Variants in HHAT observed in about 807,000 individuals in gnomAD.
The protein encoded by HHAT is protein-cysteine N-palmitoyltransferase HHAT.
Under a neutral mutation model 70.8 loss-of-function variants are expected in HHAT, and 47 were observed. The observed-to-expected ratio is 0.66, with a 90% confidence interval of 0.53 to 0.85. HHAT has a LOEUF of 0.85. Among genes scored for constraint, HHAT ranks in the 40% least tolerant of loss-of-function variants. HHAT has a pLI of 0.00. For synonymous variants in HHAT, 228 were observed against 247.6 expected (o/e 0.92, Z 0.74); for missense variants, 609 against 604.8 (o/e 1.01, Z -0.07).
At chr1:210,360,365 C>T (rs1394113036) in intron 2 of HHAT, among the ~76,000 whole-genome samples, 1 of 150,466 alleles carries the variant, frequency 6.6e-6, no homozygotes, top group Non-Finnish European at 1.5e-5. Context: ...GGCTGGAGTG[C>T]AATGGTATGA....
At chr1:210,363,760 A>G (rs35714200) in intron 3 of HHAT, among the ~76,000 whole-genome samples, 18,885 of 152,154 alleles carry the variant, frequency 0.12, 1,259 homozygotes, top group Non-Finnish European at 0.15. Flanking sequence ...TTATCAGAGC[A>G]GTTTGTTTTG....
intron 3 of HHAT, among the ~76,000 whole-genome samples, chr1:210,386,043 A>G (rs1032820685): frequency 3.9e-5 from 6 of 152,044 alleles, no homozygotes; most frequent in Admixed American, 6.5e-5. Context: ...TTTTATATGT[A>G]TCTTACCTTC....
At chr1:210,673,328 GTGTTAT>G (rs1680470339) in intron 11 of HHAT, among the ~76,000 whole-genome samples, 4 of 151,532 alleles carry the variant, frequency 2.6e-5, no homozygotes. Flanking sequence ...GCTCCTATTA[GTGTTAT>G]TTCACATTTA....
intron 9 of HHAT, among the ~76,000 whole-genome samples, chr1:210,542,536 C>T (rs2095441739): frequency 6.6e-6 from 1 of 151,390 alleles, no homozygotes; most frequent in Non-Finnish European, 1.5e-5. Context: ...AGTGGCTTGC[C>T]CCTGTAATCC....
At chr1:210,488,586 A>G (rs900373605) in intron 8 of HHAT, among the ~76,000 whole-genome samples, 9 of 152,254 alleles carry the variant, frequency 5.9e-5, no homozygotes, top group Non-Finnish European at 1.0e-4. Flanking sequence ...CGATGAATGA[A>G]TGAATGAAAT....
intron 9 of HHAT, among the ~76,000 whole-genome samples, chr1:210,560,056 G>T (rs1230425505): frequency 1.3e-5 from 2 of 152,192 alleles, no homozygotes; most frequent in South Asian, 4.2e-4. Flanking sequence ...TCTTAGCTCT[G>T]TCACTTGGCA....
At chr1:210,584,325 T>C (rs1336512417) in intron 9 of HHAT, among the ~76,000 whole-genome samples, 1 of 152,150 alleles carries the variant, frequency 6.6e-6, no homozygotes, top group East Asian at 1.9e-4. Context: ...ATCTGTTTTA[T>C]AAAACAGCCA....
rs1558477774 is a variant in HHAT, at chr1:210,418,297, C to T, written c.828C>T (p.Leu276=). 2 of 1,604,466 alleles carry T rather than the reference C, an allele frequency of 1.2e-6. No individual in the cohort carries two copies. The highest frequency in any genetic ancestry group is 4.5e-5 in the East Asian group (2 of 44,704). The stretch of plus-strand genomic sequence containing the variant: ...ATGCCATCTACAGCAGCATCCCCCT[C>T]CTGGAGACTGTCTCTTGTTGGACCT... ...YMHAIYSSIP[L]LETVSCWTLG... is the part of the protein sequence containing the mutation. The change falls in exon 7 of 12, where the codon CTC becomes CTT. Residue 276 remains leucine (L), a synonymous_variant. Coordinates refer to ENST00000261458, the MANE Select transcript of HHAT (RefSeq NM_018194.6).
At chr1:210,487,158 A>G (rs567970331) in intron 8 of HHAT, among the ~76,000 whole-genome samples, 1 of 152,276 alleles carries the variant, frequency 6.6e-6, no homozygotes, top group East Asian at 1.9e-4. Context: ...GGCTGTGCAA[A>G]GAGCTTAGGA....
intron 7 of HHAT, among the ~76,000 whole-genome samples, chr1:210,422,676 C>T (rs182704354): frequency 2.4e-3 from 368 of 152,164 alleles, no homozygotes; most frequent in Non-Finnish European, 3.8e-3. Flanking sequence ...CTCGCTCCAT[C>T]GCCCAGGCTG....
chr1:210,515,898 T>G (rs1364816469), intron 9 of HHAT, among the ~76,000 whole-genome samples: 1 of 151,648 alleles, frequency 6.6e-6, no homozygotes, highest in Non-Finnish European at 1.5e-5. Context: ...AAAAAAATAG[T>G]GCCTCTACTA....
At chr1:210,470,895 G>A (rs971497796) in intron 8 of HHAT, among the ~76,000 whole-genome samples, 14 of 152,266 alleles carry the variant, frequency 9.2e-5, no homozygotes, top group Middle Eastern at 3.4e-3. Flanking sequence ...TACTATAAAT[G>A]GTATCCAATT....
chr1:210,501,422 A>G (rs2094751783), intron 8 of HHAT, among the ~76,000 whole-genome samples: 1 of 152,198 alleles, frequency 6.6e-6, no homozygotes, highest in African/African-American at 2.4e-5. Flanking sequence ...AAACCACTCA[A>G]GATATTTTGG....
At chr1:210,411,722 G>A (rs1004563623) in intron 6 of HHAT, among the ~76,000 whole-genome samples, 5 of 152,108 alleles carry the variant, frequency 3.3e-5, no homozygotes, top group African/African-American at 1.2e-4. Context: ...TTCTAGCCTG[G>A]GCAATAGAGT....
intron 8 of HHAT, among the ~76,000 whole-genome samples, chr1:210,471,070 T>C (rs1280672418): frequency 6.6e-6 from 1 of 152,184 alleles, no homozygotes; most frequent in Non-Finnish European, 1.5e-5. Context: ...TGGAAAGCTA[T>C]GCTGAATGGA....
chr1:210,652,935 C>A (rs1489664270), intron 11 of HHAT, among the ~76,000 whole-genome samples: 1 of 152,158 alleles, frequency 6.6e-6, no homozygotes, highest in Admixed American at 6.5e-5. Flanking sequence ...AAAAGTGACC[C>A]GGCAGTTCCA....
intron 1 of HHAT, among the ~76,000 whole-genome samples, chr1:210,344,281 ATTGAAACAATGTTATTGT>A (rs1466610390): frequency 1.0e-4 from 5 of 48,562 alleles, no homozygotes; most frequent in African/African-American, 4.8e-4. Flanking sequence ...TTATTGTTTC[ATTGAAACAATGTTATTGT>A]TTCCTTATAC....
intron 10 of HHAT, among the ~76,000 whole-genome samples, chr1:210,611,977 TG>T (rs1337478069): frequency 6.6e-6 from 1 of 152,154 alleles, no homozygotes; most frequent in East Asian, 1.9e-4. Context: ...CTTTTTTTGT[TG>T]TATCTCTGCC....
intron 4 of HHAT, among the ~76,000 whole-genome samples, chr1:210,396,525 G>GT (rs573391799): frequency 2.5e-3 from 374 of 152,288 alleles, no homozygotes; most frequent in African/African-American, 8.2e-3. Flanking sequence ...CTGAAAAACT[G>GT]TTTTATAGTT....
Sources: gnomAD v4.1 joint callset for allele counts (sites outside exome capture counted in the v4.1 genomes callset) on GRCh38, gnomAD v4.1.1 for gene constraint, MANE v1.5 for transcripts, NCBI Gene and HGNC (gene_info 2026-07-23, HGNC 2026-07-21) for gene names.